The following AK5 variants were observed in gnomAD, a reference collection of about 807,000 sequenced individuals.
AK5 encodes the protein adenylate kinase 5.
A neutral mutation model predicts 69.5 loss-of-function variants in AK5; 27 were observed. That is an observed-to-expected ratio of 0.39 (90% CI 0.29 to 0.54). The LOEUF (loss-of-function observed/expected upper bound fraction) is 0.54. Ranked by LOEUF, AK5 falls within the 20% of genes least tolerant of loss-of-function variation. AK5 has a pLI of 0.71. For synonymous variants in AK5, 260 were observed against 244.4 expected, an observed-to-expected ratio of 1.06 and a Z score of -0.60; for missense variants, 531 against 700.4, an observed-to-expected ratio of 0.76 and a Z score of 2.73.
intron 1 of AK5, chr1:77,283,378 C>G: frequency 1.0e-6 from 1 of 985,426 alleles, no homozygotes; most frequent in East Asian, 1.1e-4. Context: ...AAACCTCGTT[C>G]CCCATTTCTG....
chr1:77,502,628 A>AT (rs966553072), intron 10 of AK5, among the ~76,000 whole-genome samples: 3 of 152,202 alleles, frequency 2.0e-5, no homozygotes, highest in East Asian at 3.8e-4. Flanking sequence ...TTAAAAAAAA[A>AT]GTTTTGATTT....
At chr1:77,415,487 C>T (rs966582375) in intron 7 of AK5, among the ~76,000 whole-genome samples, 1 of 152,182 alleles carries the variant, frequency 6.6e-6, no homozygotes, top group African/African-American at 2.4e-5. Flanking sequence ...CAGTCAGTGG[C>T]AGATAATAAT....
intron 6 of AK5, among the ~76,000 whole-genome samples, chr1:77,402,226 C>T (rs192977827): frequency 6.6e-6 from 1 of 152,262 alleles, no homozygotes; most frequent in Non-Finnish European, 1.5e-5. Context: ...GCAGCACTAT[C>T]ACTCCTGCTA....
intron 6 of AK5, among the ~76,000 whole-genome samples, chr1:77,374,000 C>T (rs1647175516): frequency 6.6e-6 from 1 of 152,080 alleles, no homozygotes; most frequent in Non-Finnish European, 1.5e-5. Flanking sequence ...GCCTTTCAGC[C>T]CATAAAATAC....
rs944046585 is a variant in AK5 at position 77,448,987 on chromosome 1, A to G, written c.1059+31272A>G. ...GATATATGGAAATGCCTGGATGTCC[A>G]GGGAGAAGTTTGCTGCAGGGGCGGG... On this transcript the variant is annotated intron_variant, in intron 8 of 13. Transcript: ENST00000354567. Among the ~76,000 whole-genome samples, 4 of 152,196 alleles carry G rather than the reference A, an allele frequency of 2.6e-5. No homozygotes were observed. The East Asian group carries it at 5.8e-4, about 22-fold the overall frequency.
chr1:77,360,371 A>G (rs6681717), intron 6 of AK5, among the ~76,000 whole-genome samples: 43,162 of 152,066 alleles, frequency 0.28, 6,575 homozygotes, highest in East Asian at 0.41. Context: ...AAGTCAAGCA[A>G]GATGAGGACA....
chr1:77,412,010 A>C (rs1650077883), intron 7 of AK5, among the ~76,000 whole-genome samples: 1 of 152,204 alleles, frequency 6.6e-6, no homozygotes, highest in Admixed American at 6.5e-5. Context: ...AAACATGACT[A>C]CTGCTGCTCT....
intron 6 of AK5, among the ~76,000 whole-genome samples, chr1:77,344,919 G>T (rs1182159345): frequency 1.4e-5 from 2 of 146,728 alleles, no homozygotes; most frequent in African/African-American, 5.0e-5. Context: ...TCAAGTTTTT[G>T]TAAGTTTTAT....
intron 6 of AK5, among the ~76,000 whole-genome samples, chr1:77,383,546 T>C (rs1237999184): frequency 6.6e-6 from 1 of 152,160 alleles, no homozygotes; most frequent in Admixed American, 6.5e-5. Context: ...TATCTGCTAC[T>C]TATGCTAATA....
chr1:77,392,843 C>A (rs1369014773), intron 6 of AK5, among the ~76,000 whole-genome samples: 5 of 151,954 alleles, frequency 3.3e-5, no homozygotes, highest in Non-Finnish European at 7.4e-5. Context: ...GTTTCTCATT[C>A]CAAATTCATC....
intron 5 of AK5, among the ~76,000 whole-genome samples, chr1:77,331,240 C>A (rs1661071823): frequency 6.6e-6 from 1 of 151,900 alleles, no homozygotes; most frequent in South Asian, 2.1e-4. Context: ...TGTCTAAAAT[C>A]TCTATTACAA....
chr1:77,491,951 G>GT, intron 10 of AK5, among the ~76,000 whole-genome samples: 2 of 152,198 alleles, frequency 1.3e-5, no homozygotes, highest in East Asian at 3.9e-4. Flanking sequence ...TGTTGTTTTT[G>GT]TTTTTTCTTG....
At chr1:77,333,949 C>T (rs1160092676) in intron 5 of AK5, among the ~76,000 whole-genome samples, 1 of 152,160 alleles carries the variant, frequency 6.6e-6, no homozygotes, top group African/African-American at 2.4e-5. Context: ...GATTTATGTA[C>T]TGTCTTTATT....
chr1:77,283,605 T>C, intron 1 of AK5: 1 of 985,436 alleles, frequency 1.0e-6, no homozygotes, highest in Non-Finnish European at 1.2e-6. Flanking sequence ...GAAGTCAAGA[T>C]TTCCAGGTAA....
At chr1:77,369,131 T>G (rs930533875) in intron 6 of AK5, among the ~76,000 whole-genome samples, 3 of 152,132 alleles carry the variant, frequency 2.0e-5, no homozygotes, top group Non-Finnish European at 4.4e-5. Flanking sequence ...TTTTAAAATG[T>G]TTTATAAAAA....
At chr1:77,307,932 C>T (rs976627737) in intron 5 of AK5, among the ~76,000 whole-genome samples, 1 of 152,140 alleles carries the variant, frequency 6.6e-6, no homozygotes, top group Non-Finnish European at 1.5e-5. Context: ...TATAGATAGT[C>T]GTCAACTTGG....
chr1:77,472,700 T>C lies in AK5; in HGVS notation c.1060-10617T>C, dbSNP rs1288390296. Among the ~76,000 whole-genome samples, 5 of 122,840 alleles carry C rather than the reference T, an allele frequency of 4.1e-5. No homozygotes were observed. In the Admixed American group the frequency reaches 4.1e-4, roughly 10 times the overall value. 80.6% of individuals were successfully genotyped at this position (122,840 alleles called of 152,430 possible). On this transcript the variant is annotated intron_variant, in intron 8 of 13. Coordinates refer to ENST00000354567, the MANE Select transcript of AK5 (RefSeq NM_174858.3). ...GAGTTCGAGAACAGCCTGGACAACATGGTAAAATACCATCTCTACTAAAAA... is the reference window on the plus strand; with the variant it reads ...GAGTTCGAGAACAGCCTGGACAACACGGTAAAATACCATCTCTACTAAAAA...
rs1662329475 is a variant in AK5 at position 77,353,553 on chromosome 1, G to C, written c.891+12985G>C. On this transcript the variant is annotated intron_variant, in intron 6 of 13. Transcript: ENST00000354567. ...TTTAGATTATCTCATTTCAGGTAAAGATAGGGACTTGCTACCTTTTCTCAG... is the reference window on the plus strand; with the variant it reads ...TTTAGATTATCTCATTTCAGGTAAACATAGGGACTTGCTACCTTTTCTCAG... 4.6e-5 allele frequency among the ~76,000 whole-genome samples: 7 copies of C among 152,286 alleles called. No individual in the cohort carries two copies. The South Asian group carries it at 1.5e-3, about 32-fold the overall frequency.
intron 6 of AK5, among the ~76,000 whole-genome samples, chr1:77,363,618 T>G (rs1350436847): frequency 6.6e-6 from 1 of 152,174 alleles, no homozygotes; most frequent in Admixed American, 6.5e-5. Context: ...GCTCCTGCTT[T>G]CCTCTTTGTT....
Sources: allele counts gnomAD v4.1 joint callset (sites outside exome capture counted in the v4.1 genomes callset), GRCh38; gene constraint gnomAD v4.1.1; transcripts MANE v1.5; gene names NCBI Gene and HGNC (gene_info 2026-07-23, HGNC 2026-07-21).